SIAH3: variants seen among roughly 807,000 people sequenced by gnomAD.
SIAH3 encodes the protein siah E3 ubiquitin protein ligase family member 3.
Under a neutral mutation model 12.6 loss-of-function variants are expected in SIAH3, and 9 were observed. The ratio of observed to expected loss-of-function variants is 0.72; its 90% CI spans 0.43 to 1.25. The LOEUF (loss-of-function observed/expected upper bound fraction) is 1.25. Ranked by LOEUF, SIAH3 falls within the 50% of genes most tolerant of loss-of-function variation. SIAH3 has a pLI of 0.00. For missense variants in SIAH3, 390 were observed against 365.4 expected (o/e 1.07, Z -0.55); for synonymous variants, 154 against 151.1 (o/e 1.02, Z -0.14).
chr13:45,786,278 T>G (rs1950527667), intron 1 of SIAH3, among the ~76,000 whole-genome samples: 2 of 152,208 alleles, frequency 1.3e-5, no homozygotes, highest in Admixed American at 1.3e-4. Context: ...TGGGCTCTCA[T>G]GAAAAACCCA....
intron 1 of SIAH3, among the ~76,000 whole-genome samples, chr13:45,848,766 G>T (rs566035899): frequency 1.4e-4 from 22 of 152,246 alleles, no homozygotes; most frequent in African/African-American, 5.3e-4. Flanking sequence ...AAAATTGAAA[G>T]CAAGGTTGCA....
rs386379026 is a variant in SIAH3, at chr13:45,846,084, C to CT, written c.135+5410dup. Among the ~76,000 whole-genome samples the CT allele has an allele frequency of 3.3e-3, 283 of 85,664 alleles. 4 individuals are homozygous for CT. Among genetic ancestry groups the CT allele is most frequent in the Middle Eastern group, 8.9e-3 (1 of 112 alleles). 56.2% of individuals were successfully genotyped at this position (85,664 alleles called of 152,430 possible). On this transcript the variant is annotated intron_variant, in intron 1 of 1. Transcript: ENST00000400405. ...GATCTGATGTTAGAAGACCTAACTT[C>CT]TTTTTTTTTTTTTTTTTTTTTTGAG...
At chr13:45,785,312 T>A (rs1220251565) in intron 1 of SIAH3, among the ~76,000 whole-genome samples, 1 of 152,024 alleles carries the variant, frequency 6.6e-6, no homozygotes, top group Non-Finnish European at 1.5e-5. Context: ...AGGTAGGGAG[T>A]GTCCCTTCTG....
At chr13:45,786,885 C>T (rs6561260) in intron 1 of SIAH3, among the ~76,000 whole-genome samples, 119,820 of 152,098 alleles carry the variant, frequency 0.79, 48,160 homozygotes, top group Non-Finnish European at 0.87. Flanking sequence ...AATCCCCATT[C>T]AGAAGTGACC....
chr13:45,796,554 C>T (rs1265034415), intron 1 of SIAH3, among the ~76,000 whole-genome samples: 2 of 152,168 alleles, frequency 1.3e-5, no homozygotes, highest in Non-Finnish European at 2.9e-5. Context: ...CCCAGGGAGA[C>T]GCAGGGCCTA....
At chr13:45,787,478 C>G (rs1458088418) in intron 1 of SIAH3, among the ~76,000 whole-genome samples, 1 of 152,134 alleles carries the variant, frequency 6.6e-6, no homozygotes, top group Non-Finnish European at 1.5e-5. Flanking sequence ...GCTCTGAGAG[C>G]ACCAAGTGGG....
chr13:45,784,584 C>CGCCCTTCTCCTGT (rs1191267780), intron 1 of SIAH3, among the ~76,000 whole-genome samples: 2 of 152,048 alleles, frequency 1.3e-5, no homozygotes, highest in Non-Finnish European at 2.9e-5. Flanking sequence ...CCTTCTCCTG[C>CGCCCTTCTCCTGT]GTCCTAAGGC....
intron 1 of SIAH3, among the ~76,000 whole-genome samples, chr13:45,818,291 T>C (rs1390775892): frequency 6.6e-6 from 1 of 152,220 alleles, no homozygotes; most frequent in Non-Finnish European, 1.5e-5. Flanking sequence ...TTCATGTCCT[T>C]GTTTCAGGGT....
chr13:45,846,740 T>G (rs1180279722), intron 1 of SIAH3, among the ~76,000 whole-genome samples: 1 of 152,202 alleles, frequency 6.6e-6, no homozygotes, highest in African/African-American at 2.4e-5. Context: ...CCAAATTTGC[T>G]TCGGGGCTGC....
intron 1 of SIAH3, among the ~76,000 whole-genome samples, chr13:45,821,298 G>A (rs1480367563): frequency 6.6e-6 from 1 of 152,206 alleles, no homozygotes; most frequent in Non-Finnish European, 1.5e-5. Flanking sequence ...GAAAGGCCTG[G>A]GACAAATTAT....
At chr13:45,822,222 T>C (rs184229896) in intron 1 of SIAH3, among the ~76,000 whole-genome samples, 23 of 152,244 alleles carry the variant, frequency 1.5e-4, no homozygotes, top group South Asian at 1.4e-3. Context: ...ACTGCCATGA[T>C]TCAGGAACAG....
At chr13:45,789,951 C>T (rs991798562) in intron 1 of SIAH3, among the ~76,000 whole-genome samples, 6 of 152,276 alleles carry the variant, frequency 3.9e-5, no homozygotes, top group African/African-American at 1.4e-4. Context: ...TAGAAATGGG[C>T]TCTAGTTGAG....
intron 1 of SIAH3, among the ~76,000 whole-genome samples, chr13:45,790,507 A>G (rs1536184): frequency 0.83 from 126,148 of 152,136 alleles, 52,643 homozygotes; most frequent in Admixed American, 0.88. Context: ...AGGACCCTTT[A>G]GTTTCCAGAT....
At chr13:45,848,788 C>A (rs1950769207) in intron 1 of SIAH3, among the ~76,000 whole-genome samples, 1 of 152,190 alleles carries the variant, frequency 6.6e-6, no homozygotes, top group South Asian at 2.1e-4. Flanking sequence ...TCTCTCTGTC[C>A]TTGGTCACCA....
At chr13:45,828,084 T>C (rs1950685294) in intron 1 of SIAH3, among the ~76,000 whole-genome samples, 1 of 152,226 alleles carries the variant, frequency 6.6e-6, no homozygotes, top group Non-Finnish European at 1.5e-5. Flanking sequence ...TCTTAGCTCC[T>C]CTGAACCTCA....
chr13:45,849,670 G>T (rs1307076478), intron 1 of SIAH3, among the ~76,000 whole-genome samples: 2 of 152,112 alleles, frequency 1.3e-5, no homozygotes, highest in Non-Finnish European at 1.5e-5. Context: ...GCAGCAAGAC[G>T]ACTTGTCAAA....
Position 45,783,587 on chromosome 13 carries a change from G to A in SIAH3, c.606C>T (p.Arg202=), listed in dbSNP as rs1429012249. ...TPTQADCFTY[R]LELNRNHRRL... Reference sequence around the variant, plus strand: ...GCCGATGGTTTCTGTTGAGCTCCAGGCGATAGGTGAAGCAGTCGGCCTGGG... The same window carrying A: ...GCCGATGGTTTCTGTTGAGCTCCAGACGATAGGTGAAGCAGTCGGCCTGGG... The change falls in exon 2 of 2, where the codon CGC becomes CGT. Residue 202 remains arginine, a synonymous_variant. Transcript: ENST00000400405. 1.9e-6 allele frequency: 3 copies of A among 1,614,220 alleles called. No homozygotes were observed. Among genetic ancestry groups the A allele is most frequent in the Non-Finnish European group, 1.7e-6 (2 of 1,180,038 alleles).
intron 1 of SIAH3, among the ~76,000 whole-genome samples, chr13:45,811,460 C>T (rs1950616249): frequency 6.6e-6 from 1 of 152,026 alleles, no homozygotes; most frequent in Non-Finnish European, 1.5e-5. Context: ...TGCTCTGTTG[C>T]CTGAAAGAGT....
chr13:45,843,934 C>T (rs1375172370), intron 1 of SIAH3, among the ~76,000 whole-genome samples: 1 of 152,112 alleles, frequency 6.6e-6, no homozygotes, highest in Non-Finnish European at 1.5e-5. Context: ...GATCAAAATT[C>T]CTAAAGTCTA....
Sources: gnomAD v4.1 joint callset for allele counts (sites outside exome capture counted in the v4.1 genomes callset) on GRCh38, gnomAD v4.1.1 for gene constraint, MANE v1.5 for transcripts, NCBI Gene and HGNC (gene_info 2026-07-23, HGNC 2026-07-21) for gene names.